Variants in DOCK7 observed in about 807,000 individuals in gnomAD.
DOCK7 encodes dedicator of cytokinesis protein 7.
DOCK7 carries 138 observed loss-of-function variants against 271.0 expected under a neutral mutation model. The observed-to-expected ratio is 0.51, with a 90% CI of 0.44 to 0.59. The LOEUF (loss-of-function observed/expected upper bound fraction) is 0.59, where lower values mean the gene tolerates loss of function less well. Among genes scored for constraint, DOCK7 ranks in the 20% least tolerant of loss-of-function variants. The pLI is 0.00. For synonymous variants in DOCK7, 823 were observed against 876.1 expected, an observed-to-expected ratio of 0.94 and a Z score of 1.07; for missense variants, 2,066 against 2,592.4, an observed-to-expected ratio of 0.80 and a Z score of 4.41.
rs758757093 is a variant in DOCK7, at chr1:62,473,986, T to C, written c.6208A>G (p.Lys2070Glu). 6 of 1,613,300 alleles carry C rather than the reference T, an allele frequency of 3.7e-6. No individual in the cohort carries two copies. Among genetic ancestry groups the C allele is most frequent in the Non-Finnish European group, 5.1e-6 (6 of 1,179,386 alleles). The change falls in exon 48 of 50, where the codon AAA becomes GAA. Residue 2070 changes from lysine (K) to glutamate (E), a missense_variant. Physicochemically the swap from Lys to Glu is moderately conservative, Grantham distance 56 (BLOSUM62 1). Coordinates refer to ENST00000635253, the MANE Select transcript of DOCK7 (RefSeq NM_001367561.1). ...KLRLCFKDFT[K>E]RCEDALRKNK... ...TACGCAGAAAGCCTTGAATACCTTT[T>C]AGTAAAATCTTTAAAGCAGAGTCGC...
intron 14 of DOCK7, chr1:62,598,173 T>G (rs759642499): frequency 9.4e-7 from 1 of 1,060,568 alleles, no homozygotes; most frequent in African/African-American, 1.7e-5. Flanking sequence ...TGAAATACTT[T>G]TTTTTCCAAG....
At chr1:62,481,237 A>G (rs916047166) in intron 43 of DOCK7, among the ~76,000 whole-genome samples, 8 of 152,136 alleles carry the variant, frequency 5.3e-5, no homozygotes, top group Non-Finnish European at 1.2e-4. Flanking sequence ...CAGAGTAAGC[A>G]AACAGGTAGA....
At chr1:62,505,602 A>C in intron 36 of DOCK7, 80 bp downstream of exon 36, 1 of 1,437,686 alleles carries the variant, frequency 7.0e-7, no homozygotes, top group East Asian at 2.3e-5. Flanking sequence ...TATATTAACC[A>C]ATGAATGTGT....
At chr1:62,629,408 A>G (rs567217327) in intron 11 of DOCK7, 26 of 152,340 alleles carry the variant, frequency 1.7e-4, no homozygotes, top group African/African-American at 6.0e-4. Flanking sequence ...ATAAAAATAA[A>G]TAATACCAAT....
chr1:62,514,431 T>C (rs1329032318), intron 31 of DOCK7, among the ~76,000 whole-genome samples: 1 of 152,114 alleles, frequency 6.6e-6, no homozygotes, highest in Non-Finnish European at 1.5e-5. Flanking sequence ...GCATATAAGG[T>C]TGAAATGCTA....
chr1:62,639,900 CTTTTTT>C (rs1000312551), intron 7 of DOCK7, among the ~76,000 whole-genome samples: 4 of 141,742 alleles, frequency 2.8e-5, no homozygotes, highest in African/African-American at 1.0e-4. Flanking sequence ...AGAGTTTTTT[CTTTTTT>C]TTTTTTAAGT....
chr1:62,624,107 T>C (rs1193154078), intron 12 of DOCK7, among the ~76,000 whole-genome samples: 2 of 152,216 alleles, frequency 1.3e-5, no homozygotes, highest in Non-Finnish European at 2.9e-5. Flanking sequence ...CATTCTTATA[T>C]GGTTCTAGTC....
Position 62,618,749 on chromosome 1 carries a change from C to G in DOCK7, c.1639G>C (p.Glu547Gln). ...SRVRPTREIL[E>Q]FPARDVYVPN... Reference sequence around the variant, plus strand: ...ACATAAACATCCCTTGCGGGAAACTCTAAGATTTCTCTGGTAGGTCTAACT... The same window carrying G: ...ACATAAACATCCCTTGCGGGAAACTGTAAGATTTCTCTGGTAGGTCTAACT... Residue 547 changes from glutamate to glutamine, a missense_variant, in exon 14 of 50, where the codon GAG (glutamate) becomes CAG (glutamine). By Grantham distance (29) the Glu-to-Gln change is conservative. This residue lies in a region of DOCK7 where 1,414 missense variants were observed against 1,670.4 expected (regional missense o/e 0.85). Transcript: ENST00000635253. 6.2e-7 allele frequency: 1 copy of G among 1,613,790 alleles called. No individual in the cohort carries two copies. Among genetic ancestry groups the G allele is most frequent in the Non-Finnish European group, 8.5e-7 (1 of 1,179,756 alleles).
chr1:62,475,062 G>T, intron 47 of DOCK7, 146 bp downstream of exon 47: 1 of 889,944 alleles, frequency 1.1e-6, no homozygotes, highest in Non-Finnish European at 1.6e-6. Flanking sequence ...CTTCTTAATA[G>T]AATTTATAAG....
chr1:62,572,823 G>C (rs1172354820), intron 18 of DOCK7, among the ~76,000 whole-genome samples: 1 of 152,138 alleles, frequency 6.6e-6, no homozygotes, highest in African/African-American at 2.4e-5. Flanking sequence ...CCATAGCAGA[G>C]AGATTAAGAA....
intron 48 of DOCK7, among the ~76,000 whole-genome samples, chr1:62,472,259 C>G (rs1429692098): frequency 1.3e-5 from 2 of 152,114 alleles, no homozygotes; most frequent in African/African-American, 4.8e-5. Context: ...CGCCCACCAC[C>G]ATGCTCGGCT....
intron 14 of DOCK7, chr1:62,604,274 T>C: frequency 2.5e-6 from 4 of 1,604,500 alleles, no homozygotes; most frequent in Non-Finnish European, 3.4e-6. Context: ...TTTCATATCT[T>C]CAAAGTATCT....
At chr1:62,642,265 T>C (rs533026419) in intron 7 of DOCK7, among the ~76,000 whole-genome samples, 10 of 151,986 alleles carry the variant, frequency 6.6e-5, no homozygotes, top group Non-Finnish European at 1.5e-4. Flanking sequence ...CATGCCAACA[T>C]GCCCGGCTAA....
chr1:62,485,591 T>C (rs1646269638), intron 43 of DOCK7: 2 of 985,220 alleles, frequency 2.0e-6, no homozygotes, highest in African/African-American at 1.7e-5. Context: ...ACATTGCTTT[T>C]AGAAAAAACA....
intron 48 of DOCK7, among the ~76,000 whole-genome samples, chr1:62,472,147 A>G (rs767880976): frequency 6.6e-6 from 1 of 152,042 alleles, no homozygotes; most frequent in Non-Finnish European, 1.5e-5. Flanking sequence ...TCTGTTGCCC[A>G]GGCTGGAGTG....
intron 14 of DOCK7, chr1:62,602,010 A>G (rs1340809775): frequency 1.6e-6 from 1 of 627,736 alleles, no homozygotes; most frequent in Admixed American, 2.8e-5. Flanking sequence ...TCGTATAAAT[A>G]TAATACTTTT....
chr1:62,634,911 G>A lies in DOCK7; in HGVS notation c.897C>T (p.Asn299=), dbSNP rs1655063926. 3 of 1,596,954 alleles carry A rather than the reference G, an allele frequency of 1.9e-6. No individual in the cohort carries two copies. The South Asian group carries it at 3.4e-5, about 18-fold the overall frequency. ...DVKEKKKISE[N]FYFDLNSEQM... Reference sequence around the variant, plus strand: ...GCTCAGAATTAAGGTCAAAATAAAAGTTTTCTGAAATCTAAAAAATATTAG... The same window carrying A: ...GCTCAGAATTAAGGTCAAAATAAAAATTTTCTGAAATCTAAAAAATATTAG... Residue 299 remains asparagine (N), a synonymous_variant, in exon 9 of 50, where the codon AAC becomes AAT. Coordinates refer to ENST00000635253, the MANE Select transcript of DOCK7 (RefSeq NM_001367561.1).
intron 12 of DOCK7, 117 bp from the exon 13 acceptor site, chr1:62,620,110 A>G (rs1474924362): frequency 8.2e-6 from 5 of 610,586 alleles, no homozygotes; most frequent in Non-Finnish European, 1.4e-5. Context: ...ATATGAGGTC[A>G]AGAGTTTGAA....
chr1:62,648,363 G>T (rs1656931805), intron 5 of DOCK7, 45 bp from the exon 6 acceptor site: 1 of 1,424,034 alleles, frequency 7.0e-7, no homozygotes, highest in Admixed American at 2.5e-5. Flanking sequence ...TTAATAAATT[G>T]ACAACTATTT....
Sources: gnomAD v4.1 joint callset for allele counts (sites outside exome capture counted in the v4.1 genomes callset) on GRCh38, gnomAD v4.1.1 for gene constraint, gnomAD v4.1.1 regional missense constraint, MANE v1.5 for transcripts, NCBI Gene and HGNC (gene_info 2026-07-23, HGNC 2026-07-21) for gene names.